Variants in GRIA4 observed in about 807,000 individuals in gnomAD.
The protein encoded by GRIA4 is glutamate receptor 4.
GRIA4 carries 34 observed loss-of-function variants against 104.0 expected under a neutral mutation model. The observed-to-expected ratio is 0.33, with a 90% CI of 0.25 to 0.44. The LOEUF (loss-of-function observed/expected upper bound fraction) is 0.44, where lower values mean the gene tolerates loss of function less well. Among genes scored for constraint, GRIA4 ranks in the 20% least tolerant of loss-of-function variants. GRIA4 has a pLI of 1.00. For missense variants in GRIA4, 750 were observed against 1,096.5 expected, an observed-to-expected ratio of 0.68 and a Z score of 4.46; for synonymous variants, 386 against 381.9, an observed-to-expected ratio of 1.01 and a Z score of -0.13.
chr11:105,851,770 C>T (rs1275719494), intron 4 of GRIA4, among the ~76,000 whole-genome samples: 1 of 152,192 alleles, frequency 6.6e-6, no homozygotes, highest in African/African-American at 2.4e-5. Context: ...GATAAACATC[C>T]ATCCCTCCTG....
chr11:105,878,818 T>C (rs1042623694), intron 5 of GRIA4, among the ~76,000 whole-genome samples: 6 of 152,234 alleles, frequency 3.9e-5, no homozygotes, highest in African/African-American at 1.4e-4. Flanking sequence ...GGATCTTAGC[T>C]TGCTGGGCTC....
chr11:105,886,816 A>G (rs1946279640), intron 5 of GRIA4, among the ~76,000 whole-genome samples: 1 of 152,074 alleles, frequency 6.6e-6, no homozygotes, highest in Non-Finnish European at 1.5e-5. Context: ...TAATGCAAAA[A>G]TAAAATTGAA....
At chr11:105,924,373 G>A (rs1161538699) in intron 11 of GRIA4, 26 bp from the exon 12 acceptor site, 3 of 1,531,680 alleles carry the variant, frequency 2.0e-6, no homozygotes, top group Admixed American at 1.9e-5. Flanking sequence ...TAACCTATGT[G>A]TCTCCATGTG....
chr11:105,927,349 CCTTA>C (rs1292552613), intron 13 of GRIA4, among the ~76,000 whole-genome samples: 1 of 152,024 alleles, frequency 6.6e-6, no homozygotes, highest in Non-Finnish European at 1.5e-5. Context: ...AAACACAAAA[CCTTA>C]ATTGCAGATT....
chr11:105,756,338 G>C (rs2135704523), intron 4 of GRIA4, among the ~76,000 whole-genome samples: 1 of 152,266 alleles, frequency 6.6e-6, no homozygotes, highest in South Asian at 2.1e-4. Context: ...GAAGTGCTCT[G>C]TGTCTGGACT....
At chr11:105,945,947 T>C (rs959167455) in intron 14 of GRIA4, among the ~76,000 whole-genome samples, 1 of 152,006 alleles carries the variant, frequency 6.6e-6, no homozygotes, top group African/African-American at 2.4e-5. Flanking sequence ...AAAAAAATAA[T>C]AAAATTAACC....
intron 3 of GRIA4, among the ~76,000 whole-genome samples, chr11:105,643,714 T>G (rs1055567621): frequency 5.9e-5 from 9 of 151,982 alleles, no homozygotes; most frequent in Admixed American, 6.6e-5. Flanking sequence ...TTTGGTGGTG[T>G]TGTTTTTTGT....
chr11:105,855,602 T>C (rs1944981755), intron 4 of GRIA4, among the ~76,000 whole-genome samples: 1 of 152,170 alleles, frequency 6.6e-6, no homozygotes, highest in Admixed American at 6.5e-5. Flanking sequence ...TCTTTTGCTA[T>C]TTGAGTTTAA....
intron 4 of GRIA4, among the ~76,000 whole-genome samples, chr11:105,786,144 C>CAAAAAAAAAAAAAAAAA (rs34888562): frequency 1.1e-5 from 1 of 89,300 alleles, no homozygotes; most frequent in Non-Finnish European, 2.1e-5. Flanking sequence ...GACCCTTTCT[C>CAAAAAAAAAAAAAAAAA]AAAAAAAAAA....
chr11:105,689,147 A>C (rs186796716), intron 3 of GRIA4, among the ~76,000 whole-genome samples: 1 of 152,326 alleles, frequency 6.6e-6, no homozygotes, highest in East Asian at 1.9e-4. Context: ...GAAAATGTTA[A>C]GTAGTTTAGC....
chr11:105,622,708 A>G (rs559757332), intron 3 of GRIA4, among the ~76,000 whole-genome samples: 41 of 151,984 alleles, frequency 2.7e-4, no homozygotes, highest in African/African-American at 9.6e-4. Flanking sequence ...ATATAAATTT[A>G]TGAGGTAGAA....
intron 3 of GRIA4, among the ~76,000 whole-genome samples, chr11:105,654,806 G>C (rs1347604811): frequency 6.6e-6 from 1 of 152,140 alleles, no homozygotes; most frequent in Non-Finnish European, 1.5e-5. Context: ...CAAGTAGCAA[G>C]TCTTGGTACA....
At chr11:105,875,264 C>T (rs1019685864) in intron 5 of GRIA4, among the ~76,000 whole-genome samples, 2 of 152,128 alleles carry the variant, frequency 1.3e-5, no homozygotes, top group African/African-American at 2.4e-5. Context: ...GGGATGAAGG[C>T]GACTTGATCG....
intron 14 of GRIA4, among the ~76,000 whole-genome samples, chr11:105,940,915 T>C (rs1469019196): frequency 6.6e-6 from 1 of 152,228 alleles, no homozygotes; most frequent in Non-Finnish European, 1.5e-5. Context: ...TATTTTAATT[T>C]CACTAAAAAT....
intron 3 of GRIA4, among the ~76,000 whole-genome samples, chr11:105,712,946 T>G (rs1953963622): frequency 6.6e-6 from 1 of 152,120 alleles, no homozygotes; most frequent in Non-Finnish European, 1.5e-5. Flanking sequence ...AGGCTGCATA[T>G]TACCCAATGC....
intron 4 of GRIA4, among the ~76,000 whole-genome samples, chr11:105,762,616 GC>G (rs1256589746): frequency 3.9e-5 from 6 of 152,110 alleles, no homozygotes; most frequent in African/African-American, 1.4e-4. Context: ...ATTTTAATAA[GC>G]CCCTCTTGTC....
intron 3 of GRIA4, among the ~76,000 whole-genome samples, chr11:105,672,762 T>C (rs528540008): frequency 1.3e-5 from 2 of 152,212 alleles, no homozygotes; most frequent in East Asian, 3.9e-4. Context: ...CTGCAAGTAC[T>C]GTAAGAAATA....
chr11:105,784,472 C>T (rs1337595606), intron 4 of GRIA4, among the ~76,000 whole-genome samples: 1 of 152,106 alleles, frequency 6.6e-6, no homozygotes, highest in Non-Finnish European at 1.5e-5. Context: ...TTATAACTGC[C>T]GTGAGTGCAG....
chr11:105,742,759 G>GT (rs1304107165), intron 3 of GRIA4, among the ~76,000 whole-genome samples: 1 of 152,014 alleles, frequency 6.6e-6, no homozygotes, highest in East Asian at 1.9e-4. Flanking sequence ...CAAAAAATCA[G>GT]TTTTTTGTGT....
Sources: gnomAD v4.1 joint callset for allele counts (sites outside exome capture counted in the v4.1 genomes callset) on GRCh38, gnomAD v4.1.1 for gene constraint, MANE v1.5 for transcripts, NCBI Gene and HGNC (gene_info 2026-07-23, HGNC 2026-07-21) for gene names.